The following C21orf58 variants were observed in gnomAD, a reference collection of about 807,000 sequenced individuals.
C21orf58 encodes chromosome 21 open reading frame 58.
C21orf58 carries 34 observed loss-of-function variants against 35.8 expected under a neutral mutation model. That is an observed-to-expected ratio of 0.95 (90% CI 0.72 to 1.26). The LOEUF (loss-of-function observed/expected upper bound fraction) is 1.26, where lower values mean the gene tolerates loss of function less well. Ranked by LOEUF, C21orf58 falls within the 50% of genes most tolerant of loss-of-function variation. C21orf58 has a pLI of 0.00. For missense variants in C21orf58, 440 were observed against 414.3 expected, an observed-to-expected ratio of 1.06 and a Z score of -0.54; for synonymous variants, 191 against 175.8, an observed-to-expected ratio of 1.09 and a Z score of -0.68.
At chr21:46,315,780 G>A (rs958650445) in intron 3 of C21orf58, among the ~76,000 whole-genome samples, 7 of 152,170 alleles carry the variant, frequency 4.6e-5, no homozygotes, top group African/African-American at 1.7e-4. Context: ...GGAACTCAGT[G>A]CTGGAGGATG....
intron 6 of C21orf58, among the ~76,000 whole-genome samples, chr21:46,305,584 T>A (rs529790646): frequency 5.4e-4 from 82 of 151,982 alleles, no homozygotes; most frequent in Admixed American, 1.1e-3. Flanking sequence ...CCCATATCAG[T>A]CTCCCAAAGT....
At chr21:46,320,793 T>C (rs1286821017) in intron 1 of C21orf58, 2 of 152,196 alleles carry the variant, frequency 1.3e-5, no homozygotes, top group Non-Finnish European at 2.9e-5. Flanking sequence ...CTCCTTTTCG[T>C]TGAACTGGTT....
intron 5 of C21orf58, among the ~76,000 whole-genome samples, chr21:46,312,327 T>G (rs1279539946): frequency 6.6e-6 from 1 of 150,694 alleles, no homozygotes; most frequent in Non-Finnish European, 1.5e-5. Flanking sequence ...GGTGTTTTTG[T>G]TTTTTTTTGA....
At chr21:46,321,033 T>C (rs1047194170) in intron 1 of C21orf58, among the ~76,000 whole-genome samples, 2 of 151,734 alleles carry the variant, frequency 1.3e-5, no homozygotes, top group Admixed American at 6.6e-5. Flanking sequence ...TTGTCAGACT[T>C]TTTTTTTAAA....
intron 2 of C21orf58, 85 bp downstream of exon 2, chr21:46,317,927 C>T (rs1204156248): frequency 9.0e-6 from 13 of 1,447,418 alleles, no homozygotes; most frequent in Admixed American, 2.0e-5. Flanking sequence ...CTGCATTCTG[C>T]ACCTGCAGGG....
At chr21:46,304,935 C>T (rs986489127) in intron 6 of C21orf58, among the ~76,000 whole-genome samples, 1 of 152,154 alleles carries the variant, frequency 6.6e-6, no homozygotes, top group Non-Finnish European at 1.5e-5. Context: ...TCACACTAAG[C>T]GAAATAAGCC....
chr21:46,317,787 G>A (rs1011241445), intron 2 of C21orf58, among the ~76,000 whole-genome samples: 1 of 152,260 alleles, frequency 6.6e-6, no homozygotes, highest in African/African-American at 2.4e-5. Context: ...AGGCTCCCCA[G>A]ACCCTGTGCT....
chr21:46,321,854 AC>A (rs1321191494), intron 1 of C21orf58, among the ~76,000 whole-genome samples: 3 of 147,804 alleles, frequency 2.0e-5, no homozygotes, highest in African/African-American at 7.5e-5. Flanking sequence ...GAGGGGAGTT[AC>A]GTTTCCCTCC....
chr21:46,312,752 C>T (rs999540150), intron 5 of C21orf58, among the ~76,000 whole-genome samples: 6 of 152,306 alleles, frequency 3.9e-5, no homozygotes, highest in African/African-American at 7.2e-5. Flanking sequence ...TCCCTAATGA[C>T]GGATGGTGTT....
intron 1 of C21orf58, chr21:46,322,412 C>A: frequency 1.0e-6 from 1 of 984,306 alleles, no homozygotes; most frequent in Non-Finnish European, 1.2e-6. Flanking sequence ...CTGGGCACAT[C>A]CCCTCAGTCC....
At chr21:46,317,909 T>C (rs559116516) in intron 2 of C21orf58, 103 bp downstream of exon 2, 4 of 1,296,234 alleles carry the variant, frequency 3.1e-6, no homozygotes, top group South Asian at 1.4e-5. Flanking sequence ...GGCCTAGCCC[T>C]TGGGGCCCTG....
chr21:46,319,606 T>C (rs1386602579), intron 1 of C21orf58, among the ~76,000 whole-genome samples: 1 of 151,874 alleles, frequency 6.6e-6, no homozygotes, highest in African/African-American at 2.4e-5. Flanking sequence ...CTATAAAAAA[T>C]AATAAAAAAG....
intron 6 of C21orf58, among the ~76,000 whole-genome samples, chr21:46,303,145 C>T (rs1293825438): frequency 2.0e-5 from 3 of 151,792 alleles, no homozygotes; most frequent in Non-Finnish European, 4.4e-5. Context: ...GCCTGGGCAA[C>T]CAGGGCGAAA....
chr21:46,303,152 G>A (rs964251582), intron 6 of C21orf58, among the ~76,000 whole-genome samples: 1 of 151,422 alleles, frequency 6.6e-6, no homozygotes, highest in African/African-American at 2.4e-5. Flanking sequence ...CAACCAGGGC[G>A]AAACTCCGTC....
chr21:46,314,937 A>C (rs1239338385), intron 4 of C21orf58, 57 bp from the exon 5 acceptor site: 1 of 1,550,296 alleles, frequency 6.5e-7, no homozygotes, highest in Non-Finnish European at 8.7e-7. Context: ...AACGCCACAG[A>C]GGCACCCCCA....
At chr21:46,319,053 GTTCTGTAAAT>G (rs2083074849) in intron 1 of C21orf58, 1 of 154,036 alleles carries the variant, frequency 6.5e-6, no homozygotes, top group Non-Finnish European at 1.4e-5. Context: ...CTTGCCCTCA[GTTCTGTAAAT>G]GGCCCATGTC....
At chr21:46,300,944 A>C, downstream of C21orf58, 2 of 798,966 alleles carry the variant, frequency 2.5e-6, no homozygotes, top group Non-Finnish European at 3.4e-6. Context: ...CATGGTAAGA[A>C]ACCCCACAGC....
At position 46,322,702 on chromosome 21, in the gene C21orf58, T is replaced by G. The variant is rs774304097; in HGVS notation, c.37A>C (p.Lys13Gln). 6.3e-7 allele frequency: 1 copy of G among 1,575,916 alleles called. No homozygotes were observed. The highest frequency in any genetic ancestry group is 1.2e-5 in the South Asian group (1 of 86,030). ...TTCTGGCGGTCGAGCTTCCACGGCT[T>G]CCTGAGGGAGGTTGCAGGGAGCCGA... is the stretch of plus-strand genomic sequence containing the variant. The part of the protein sequence containing the change: ...RSRLPATSLR[K>Q]PWKLDRQKLP... Residue 13 changes from lysine (K) to glutamine (Q), a missense_variant, in exon 1 of 8, where the codon AAG becomes CAG. By Grantham distance (53) the Lys-to-Gln change is moderately conservative. Transcript: ENST00000291691.
intron 6 of C21orf58, among the ~76,000 whole-genome samples, chr21:46,305,327 CT>C (rs35138310): frequency 0.045 from 4,958 of 109,074 alleles, 91 homozygotes; most frequent in African/African-American, 0.14. Context: ...ACAAATTAAT[CT>C]TTTTTTTTTT....
Sources: allele counts gnomAD v4.1 joint callset (sites outside exome capture counted in the v4.1 genomes callset), GRCh38; gene constraint gnomAD v4.1.1; transcripts MANE v1.5; gene names NCBI Gene and HGNC (gene_info 2026-07-23, HGNC 2026-07-21).